Variants in SMG6 observed in about 807,000 individuals in gnomAD.
SMG6 encodes SMG6 nonsense mediated mRNA decay factor, also known as telomerase-binding protein EST1A.
In SMG6, 66 loss-of-function variants were observed where a neutral mutation model predicts 142.2. The observed-to-expected ratio is 0.46, with a 90% confidence interval of 0.38 to 0.57. SMG6 has a LOEUF of 0.57. Ranked by LOEUF, SMG6 falls within the 20% of genes least tolerant of loss-of-function variation. The pLI, the probability that SMG6 is intolerant of heterozygous loss-of-function variation, is 0.00. For missense variants in SMG6, 1,793 were observed against 1,832.0 expected, an observed-to-expected ratio of 0.98 and a Z score of 0.39; for synonymous variants, 779 against 702.4, an observed-to-expected ratio of 1.11 and a Z score of -1.72.
intron 9 of SMG6, 23 bp downstream of exon 9, chr17:2,244,635 A>T: frequency 1.3e-6 from 2 of 1,592,768 alleles, no homozygotes; most frequent in Non-Finnish European, 1.7e-6. Flanking sequence ...TAGGAAAATA[A>T]AATAAACATC....
chr17:2,081,863 G>T lies in SMG6; in HGVS notation c.3628C>A (p.Leu1210Met). 6.2e-7 allele frequency: 1 copy of T among 1,614,058 alleles called. No homozygotes were observed. Among genetic ancestry groups the T allele is most frequent in the Non-Finnish European group, 8.5e-7 (1 of 1,180,032 alleles). The change falls in exon 15 of 19, where the codon CTG becomes ATG. Residue 1210 changes from leucine (L) to methionine (M), a missense_variant. Physicochemically the swap from Leu to Met is conservative, Grantham distance 15. Coordinates refer to ENST00000263073, the MANE Select transcript of SMG6 (RefSeq NM_017575.5). The part of the protein sequence containing the change: ...DDIRELRAKK[L>M]ALARKIAEQQ... ...TCAGCTATCTTCCTGGCCAGAGCCAGCTTCTTGGCCCGAAGCTCCCTGATG... is the reference window on the plus strand; with the variant it reads ...TCAGCTATCTTCCTGGCCAGAGCCATCTTCTTGGCCCGAAGCTCCCTGATG...
In SMG6 at chr17:2,081,293, T is replaced by TG. The variant is rs2068417153; in HGVS notation, c.3681+516dup. 1.3e-5 allele frequency among the ~76,000 whole-genome samples: 2 copies of TG among 152,174 alleles called. 1 individual carries two copies. The highest frequency in any genetic ancestry group is 4.1e-4 in the South Asian group (2 of 4,838). On this transcript the variant is annotated intron_variant, in intron 15 of 18. Coordinates refer to ENST00000263073, the MANE Select transcript of SMG6 (RefSeq NM_017575.5). The stretch of plus-strand genomic sequence containing the variant: ...AGGCACAGGCCCGTGAGAGGGCTGA[T>TG]GGGGGTCAAAGTCCCTGTGTGGAGA...
chr17:2,244,148 A>G (rs1436424536), intron 9 of SMG6, among the ~76,000 whole-genome samples: 1 of 152,230 alleles, frequency 6.6e-6, no homozygotes, highest in Non-Finnish European at 1.5e-5. Flanking sequence ...ATGAAACCGT[A>G]AGAGGCTTGG....
chr17:2,205,662 T>G lies in SMG6; in HGVS notation c.2870-17147A>C, dbSNP rs2072656682. On this transcript the variant is annotated intron_variant, in intron 10 of 18. Transcript: ENST00000263073. The stretch of plus-strand genomic sequence containing the variant: ...GTTCTCATTATTAGAAAGGAATAAG[T>G]ATATCAATTCTTCAGGAAAAACAAC... Among the ~76,000 whole-genome samples the G allele has an allele frequency of 6.6e-5, 10 of 152,296 alleles. No individual in the cohort carries two copies. The South Asian group carries it at 2.1e-3, about 32-fold the overall frequency.
At position 2,195,182 on chromosome 17, in the gene SMG6, T is replaced by C. The variant is rs143269870; in HGVS notation, c.2870-6667A>G. On this transcript the variant is annotated intron_variant, in intron 10 of 18. Transcript: ENST00000263073. ...CTCTCTGACGTAATCAGGAAGCAGC[T>C]GCAAAATTAAGGAATCCCTCATGAC... Among the ~76,000 whole-genome samples, 12 of 152,268 alleles carry C rather than the reference T, an allele frequency of 7.9e-5. No individual in the cohort carries two copies. In the East Asian group the frequency reaches 2.3e-3, roughly 29 times the overall value.
At chr17:2,154,839 A>T (rs926375051) in intron 13 of SMG6, among the ~76,000 whole-genome samples, 1 of 152,166 alleles carries the variant, frequency 6.6e-6, no homozygotes, top group African/African-American at 2.4e-5. Context: ...CTTCAAGACC[A>T]GCCTGGGCAA....
At chr17:2,291,332 GAA>G (rs547897407) in intron 6 of SMG6, among the ~76,000 whole-genome samples, 4 of 131,238 alleles carry the variant, frequency 3.0e-5, no homozygotes, top group Non-Finnish European at 3.3e-5. Context: ...CTCCGTCTCA[GAA>G]AAAAAAAAAA....
chr17:2,131,902 T>A (rs985115884), intron 13 of SMG6, among the ~76,000 whole-genome samples: 1 of 151,888 alleles, frequency 6.6e-6, no homozygotes, highest in African/African-American at 2.4e-5. Context: ...TAAAACCCCG[T>A]TTCTACTAAA....
chr17:2,112,728 T>A (rs902988896), intron 13 of SMG6, among the ~76,000 whole-genome samples: 2 of 146,994 alleles, frequency 1.4e-5, no homozygotes, highest in East Asian at 4.0e-4. Context: ...CAGCAAACAA[T>A]AAAAGCCAGG....
intron 13 of SMG6, among the ~76,000 whole-genome samples, chr17:2,118,700 G>A (rs1399249611): frequency 2.0e-5 from 3 of 147,920 alleles, no homozygotes; most frequent in East Asian, 2.0e-4. Context: ...CAGCCTTGCC[G>A]TGCACGGCTG....
rs2075176848 is a variant in SMG6, at chr17:2,297,810, T to C, written c.2040+53A>G. The C allele has an allele frequency of 1.0e-5, 16 of 1,562,638 alleles. No individual in the cohort carries two copies. In the South Asian group the frequency reaches 1.7e-4, roughly 17 times the overall value. ...TATTTCAGGTAGTAAAAATCCATCG[T>C]AACTACAGAATGCTGAAGCCTTTAT... On this transcript the variant is annotated intron_variant, in intron 3 of 18. Transcript: ENST00000263073.
intron 10 of SMG6, among the ~76,000 whole-genome samples, chr17:2,197,350 G>T (rs1368757036): frequency 6.6e-6 from 1 of 152,004 alleles, no homozygotes; most frequent in African/African-American, 2.4e-5. Context: ...AATTGCTTGA[G>T]CCCAGGAGTC....
intron 15 of SMG6, among the ~76,000 whole-genome samples, chr17:2,069,946 C>T (rs1308949291): frequency 1.3e-5 from 2 of 152,158 alleles, no homozygotes; most frequent in East Asian, 3.8e-4. Flanking sequence ...CTTCAGCAAC[C>T]ATATCGTGGT....
intron 13 of SMG6, among the ~76,000 whole-genome samples, chr17:2,121,607 G>C (rs866232196): frequency 0.024 from 1,467 of 60,786 alleles, 29 homozygotes; most frequent in Non-Finnish European, 0.034. Flanking sequence ...GTGTGTGTGT[G>C]TGTGTGTGTG....
chr17:2,163,457 G>A (rs948854679), intron 13 of SMG6, among the ~76,000 whole-genome samples: 2 of 152,138 alleles, frequency 1.3e-5, no homozygotes, highest in African/African-American at 4.8e-5. Flanking sequence ...TGTGATTAGA[G>A]GTGCGAGCCA....
chr17:2,154,335 G>T (rs113459748), intron 13 of SMG6, among the ~76,000 whole-genome samples: 1 of 151,106 alleles, frequency 6.6e-6, no homozygotes, highest in African/African-American at 2.4e-5. Context: ...AGAGTGTGAC[G>T]GTGACGGGGG....
At chr17:2,256,999 G>A (rs1182303029) in intron 8 of SMG6, among the ~76,000 whole-genome samples, 2 of 151,834 alleles carry the variant, frequency 1.3e-5, no homozygotes, top group African/African-American at 4.8e-5. Flanking sequence ...ATTTTGAGAC[G>A]GAGTCTCACT....
In SMG6 at chr17:2,298,111, C is replaced by G. The variant is rs904805796; in HGVS notation, c.1848-56G>C. 2.6e-6 allele frequency: 4 copies of G among 1,515,586 alleles called. No individual in the cohort carries two copies. In the African/African-American group the frequency reaches 5.6e-5, roughly 21 times the overall value. The allele number at this position is 1,515,586 out of a possible 1,614,324, so 93.9% of individuals were successfully genotyped here. On this transcript the variant is annotated intron_variant, in intron 2 of 18. Transcript: ENST00000263073. Reference sequence around the variant, plus strand: ...CAAATACACCACAGAAAAAGCTAGACTCAAGTTTTGAGATTCCTGCAAATT... The same window carrying G: ...CAAATACACCACAGAAAAAGCTAGAGTCAAGTTTTGAGATTCCTGCAAATT...
intron 8 of SMG6, among the ~76,000 whole-genome samples, chr17:2,276,612 C>G (rs998314275): frequency 6.6e-6 from 1 of 152,090 alleles, no homozygotes; most frequent in Non-Finnish European, 1.5e-5. Flanking sequence ...TCTCGAACTT[C>G]CAACCTCAGG....
Sources: gnomAD v4.1 joint callset for allele counts (sites outside exome capture counted in the v4.1 genomes callset) on GRCh38, gnomAD v4.1.1 for gene constraint, MANE v1.5 for transcripts, NCBI Gene and HGNC (gene_info 2026-07-23, HGNC 2026-07-21) for gene names.